PCGF3: variants seen among roughly 807,000 people sequenced by gnomAD.
The protein encoded by PCGF3 is polycomb group ring finger 3, also known as polycomb group RING finger protein 3.
In PCGF3, 7 loss-of-function variants were observed where a neutral mutation model predicts 33.1. The observed-to-expected ratio is 0.21, with a 90% CI of 0.12 to 0.40. PCGF3 has a LOEUF of 0.40. Among genes scored for constraint, PCGF3 ranks in the 10% least tolerant of loss-of-function variants. The pLI, the probability that PCGF3 is intolerant of heterozygous loss-of-function variation, is 1.00. For missense variants in PCGF3, 211 were observed against 313.3 expected (o/e 0.67, Z 2.46); for synonymous variants, 153 against 121.3 (o/e 1.26, Z -1.72).
intron 5 of PCGF3, among the ~76,000 whole-genome samples, chr4:735,814 A>G (rs73221129): frequency 0.34 from 52,244 of 151,966 alleles, 9,079 homozygotes; most frequent in Middle Eastern, 0.43. Context: ...GCCAGCCACC[A>G]TTTCTGGAGA....
intron 1 of PCGF3, among the ~76,000 whole-genome samples, chr4:706,592 G>GAA (rs1468877394): frequency 2.5e-5 from 2 of 80,352 alleles, no homozygotes; most frequent in East Asian, 4.0e-4. Flanking sequence ...GGGAGGGCAG[G>GAA]GACCCCAGAC....
chr4:765,999 T>A (rs756225202), intron 10 of PCGF3, 33 bp from the exon 11 acceptor site: 1 of 1,610,290 alleles, frequency 6.2e-7, no homozygotes, highest in Non-Finnish European at 8.5e-7. Context: ...CCACCCCTGC[T>A]AAGCAGGCAC....
intron 4 of PCGF3, chr4:734,127 A>G (rs1431879059): frequency 3.2e-6 from 5 of 1,550,408 alleles, no homozygotes; most frequent in Non-Finnish European, 3.5e-6. Context: ...TAGATCCTTC[A>G]AAGGGGAACC....
intron 10 of PCGF3, 102 bp downstream of exon 10, chr4:765,166 GC>G (rs1242157856): frequency 8.9e-6 from 7 of 782,882 alleles, no homozygotes; most frequent in Non-Finnish European, 1.1e-5. Context: ...GGGTGCAGTG[GC>G]TCATGCCTGT....
Position 734,286 on chromosome 4 carries a change from C to T in PCGF3, c.109+497C>T. 5 of 1,461,428 alleles carry T rather than the reference C, an allele frequency of 3.4e-6. No homozygotes were observed. The South Asian group carries it at 5.8e-5, about 17-fold the overall frequency. 90.5% of individuals were successfully genotyped at this position (1,461,428 alleles called of 1,614,324 possible). On this transcript the variant is annotated intron_variant, in intron 4 of 10. Coordinates refer to ENST00000362003, the Ensembl canonical transcript of PCGF3. ...GCAGGTGCCATCCATCAGGCTGAGG[C>T]TCGGCTCTTATGCTAACCTGAGGCC...
intron 7 of PCGF3, 31 bp from the exon 8 acceptor site, chr4:744,569 A>C (rs772619595): frequency 7.4e-6 from 11 of 1,492,184 alleles, no homozygotes. Context: ...TTTGGATTTC[A>C]TGGTGCGCTA....
chr4:723,289 G>C (rs968137951), intron 1 of PCGF3, among the ~76,000 whole-genome samples: 3 of 152,270 alleles, frequency 2.0e-5, no homozygotes, highest in Non-Finnish European at 4.4e-5. Context: ...ACGTGACCTT[G>C]AGGTCCACCG....
intron 8 of PCGF3, among the ~76,000 whole-genome samples, chr4:754,824 G>A (rs946578124): frequency 6.6e-6 from 1 of 152,250 alleles, no homozygotes; most frequent in Non-Finnish European, 1.5e-5. Context: ...TGGCCATGCG[G>A]AGACCAGGCA....
intron 6 of PCGF3, among the ~76,000 whole-genome samples, chr4:742,084 C>A (rs1045706435): frequency 2.0e-4 from 30 of 152,060 alleles, no homozygotes; most frequent in Admixed American, 1.3e-3. Flanking sequence ...CCACCTGCGG[C>A]CGGCCCCACC....
intron 1 of PCGF3, among the ~76,000 whole-genome samples, chr4:711,443 C>CTTTTTTTTT (rs201359627): frequency 1.1e-4 from 14 of 122,932 alleles, no homozygotes; most frequent in African/African-American, 2.6e-4. Context: ...TGTAATTTTT[C>CTTTTTTTTT]TTTTTTTTTT....
chr4:758,719 G>A (rs548271809), intron 8 of PCGF3, among the ~76,000 whole-genome samples: 9 of 33,710 alleles, frequency 2.7e-4, no homozygotes, highest in African/African-American at 7.4e-4. Context: ...TCCGGACTCC[G>A]GGTCTTTCTC....
In PCGF3 at chr4:734,300, T is replaced by C. The variant is rs1036434746; in HGVS notation, c.109+511T>C. On this transcript the variant is annotated intron_variant, in intron 4 of 10. Transcript: ENST00000362003. ...TCAGGCTGAGGCTCGGCTCTTATGC[T>C]AACCTGAGGCCCCATGGCTGGCGGC... 7.3e-5 allele frequency: 106 copies of C among 1,451,790 alleles called. No individual in the cohort carries two copies. In the African/African-American group the frequency reaches 1.4e-3, roughly 20 times the overall value. 89.9% of individuals were successfully genotyped at this position (1,451,790 alleles called of 1,614,324 possible). A position where few individuals can be genotyped will look rare whatever the true frequency, so the allele number is the denominator to read the frequency against.
chr4:729,915 G>A (rs1299455053), intron 1 of PCGF3, among the ~76,000 whole-genome samples: 1 of 152,164 alleles, frequency 6.6e-6, no homozygotes, highest in Non-Finnish European at 1.5e-5. Flanking sequence ...ACACAGGAAC[G>A]TGTGGGAGGC....
chr4:765,159 T>G, intron 10 of PCGF3, 95 bp downstream of exon 10: 1 of 857,070 alleles, frequency 1.2e-6, no homozygotes, highest in Admixed American at 2.0e-5. Flanking sequence ...TCCAGCTGGG[T>G]GCAGTGGCTC....
chr4:754,624 A>T (rs753759209), intron 8 of PCGF3, among the ~76,000 whole-genome samples: 1 of 152,162 alleles, frequency 6.6e-6, no homozygotes, highest in Non-Finnish European at 1.5e-5. Flanking sequence ...GTGAACGGGT[A>T]AGGCTGGAGG....
At chr4:719,509 C>G (rs1280073635) in intron 1 of PCGF3, among the ~76,000 whole-genome samples, 1 of 152,218 alleles carries the variant, frequency 6.6e-6, no homozygotes, top group East Asian at 1.9e-4. Flanking sequence ...AGCCGCCCCC[C>G]CAGGTCCTGT....
In PCGF3 at chr4:734,233, T is replaced by A. The variant is rs528209652; in HGVS notation, c.109+444T>A. 3.3e-6 allele frequency: 5 copies of A among 1,500,712 alleles called. No homozygotes were observed. In the South Asian group the frequency reaches 6.5e-5, roughly 19 times the overall value. 93.0% of individuals were successfully genotyped at this position (1,500,712 alleles called of 1,614,324 possible). On this transcript the variant is annotated intron_variant, in intron 4 of 10. Transcript: ENST00000362003. The stretch of plus-strand genomic sequence containing the variant: ...TCACACCTGGGGCTGGACCTGAGTG[T>A]TTTTCTAAGTGTGGCTACCGCTGAC...
At chr4:725,573 C>T (rs1200795513) in intron 1 of PCGF3, among the ~76,000 whole-genome samples, 2 of 132,656 alleles carry the variant, frequency 1.5e-5, no homozygotes, top group African/African-American at 2.6e-5. Flanking sequence ...CGTGGGCTGC[C>T]GAAGGCTGCT....
chr4:755,168 G>A (rs1356030849), intron 8 of PCGF3, among the ~76,000 whole-genome samples: 1 of 152,274 alleles, frequency 6.6e-6, no homozygotes, highest in Non-Finnish European at 1.5e-5. Context: ...CGTGGCACGT[G>A]TTGTTACGCT....
Sources: gnomAD v4.1 joint callset for allele counts (sites outside exome capture counted in the v4.1 genomes callset) on GRCh38, gnomAD v4.1.1 for gene constraint, MANE v1.5 for transcripts, NCBI Gene and HGNC (gene_info 2026-07-23, HGNC 2026-07-21) for gene names.